KIAA0825: variants seen among roughly 807,000 people sequenced by gnomAD.
KIAA0825 encodes the protein uncharacterized protein KIAA0825.
In KIAA0825, 119 loss-of-function variants were observed where a neutral mutation model predicts 147.6. That is an observed-to-expected ratio of 0.81 (90% CI 0.69 to 0.94). The LOEUF is 0.94. Among genes scored for constraint, KIAA0825 ranks in the 40% least tolerant of loss-of-function variants. KIAA0825 has a pLI of 0.00. For synonymous variants in KIAA0825, 470 were observed against 518.1 expected, an observed-to-expected ratio of 0.91 and a Z score of 1.26; for missense variants, 1,381 against 1,472.7, an observed-to-expected ratio of 0.94 and a Z score of 1.02.
At chr5:94,169,771 A>G (rs1426310743) in intron 20 of KIAA0825, among the ~76,000 whole-genome samples, 1 of 152,192 alleles carries the variant, frequency 6.6e-6, no homozygotes, top group African/African-American at 2.4e-5. Flanking sequence ...GCATGTAATA[A>G]TATCAGTAAT....
At chr5:94,447,369 C>T (rs1757863718) in intron 13 of KIAA0825, among the ~76,000 whole-genome samples, 2 of 151,730 alleles carry the variant, frequency 1.3e-5, no homozygotes, top group Admixed American at 6.6e-5. Context: ...AGTATATGAA[C>T]CTGCAAAGGA....
chr5:94,478,453 A>T (rs796370150), intron 6 of KIAA0825, among the ~76,000 whole-genome samples: 1 of 121,274 alleles, frequency 8.2e-6, no homozygotes, highest in African/African-American at 2.7e-5. Flanking sequence ...CATGTGCATC[A>T]CACACACACA....
chr5:94,390,262 G>A (rs2150555058), intron 18 of KIAA0825, among the ~76,000 whole-genome samples: 1 of 152,306 alleles, frequency 6.6e-6, no homozygotes, highest in South Asian at 2.1e-4. Context: ...CATCCTCAGA[G>A]CTATTGTAAC....
intron 2 of KIAA0825, among the ~76,000 whole-genome samples, chr5:94,556,829 AC>A (rs1776626237): frequency 6.6e-6 from 1 of 152,048 alleles, no homozygotes; most frequent in Admixed American, 6.5e-5. Context: ...CTGTGTTCTC[AC>A]CTCTCATTTA....
intron 10 of KIAA0825, among the ~76,000 whole-genome samples, chr5:94,469,304 G>A (rs866090285): frequency 2.0e-5 from 3 of 151,862 alleles, no homozygotes; most frequent in South Asian, 2.1e-4. Flanking sequence ...CTGAGTAGCT[G>A]TAATTACAGG....
chr5:94,321,542 TAAGTA>T (rs1780203571), intron 20 of KIAA0825, among the ~76,000 whole-genome samples: 1 of 152,012 alleles, frequency 6.6e-6, no homozygotes, highest in Non-Finnish European at 1.5e-5. Flanking sequence ...GATATGAGTC[TAAGTA>T]AAGCATGTAA....
chr5:94,294,667 A>C (rs1446251819), intron 20 of KIAA0825, among the ~76,000 whole-genome samples: 6 of 152,228 alleles, frequency 3.9e-5, no homozygotes, highest in Non-Finnish European at 1.5e-5. Context: ...TGGAGGTTGC[A>C]GTGAGCTGAG....
intron 16 of KIAA0825, among the ~76,000 whole-genome samples, chr5:94,401,527 T>A (rs1751374379): frequency 6.6e-6 from 1 of 152,088 alleles, no homozygotes; most frequent in Non-Finnish European, 1.5e-5. Flanking sequence ...AAAGAAGGAA[T>A]AAGGACACCC....
chr5:94,263,337 T>C (rs1382947612), intron 20 of KIAA0825, among the ~76,000 whole-genome samples: 1 of 152,174 alleles, frequency 6.6e-6, no homozygotes, highest in Non-Finnish European at 1.5e-5. Context: ...CCATGACCCA[T>C]CTCCTGAACC....
chr5:94,517,449 G>A (rs1767441696), intron 5 of KIAA0825, among the ~76,000 whole-genome samples: 1 of 152,040 alleles, frequency 6.6e-6, no homozygotes, highest in Admixed American at 6.6e-5. Flanking sequence ...ATGAATGATG[G>A]AAAATTTACA....
rs561566588 is a variant in KIAA0825, at chr5:94,583,116, C to T, written c.-152-533G>A. ...CTCCCAGCGAGATCGACGCATAAGACGGGTGATTTCTGCATTTCCAACTGA... is the reference window on the plus strand; with the variant it reads ...CTCCCAGCGAGATCGACGCATAAGATGGGTGATTTCTGCATTTCCAACTGA... On this transcript the variant is annotated intron_variant, in intron 1 of 20. Transcript: ENST00000682413. Among the ~76,000 whole-genome samples the T allele has an allele frequency of 1.4e-4, 22 of 152,196 alleles. No individual in the cohort carries two copies. The South Asian group carries it at 3.1e-3, about 22-fold the overall frequency.
rs1382216210 is a variant in KIAA0825, at chr5:94,152,409, C to T, written c.*1598G>A. On this transcript the variant is annotated 3_prime_UTR_variant, in exon 21 of 21. Coordinates refer to ENST00000682413, the MANE Select transcript of KIAA0825 (RefSeq NM_001145678.3). ...AGCCCATGATGTAAGGCTTCTGGGC[C>T]TGGTGTGGTGGCTTATGCCTATAGT... Among the ~76,000 whole-genome samples the T allele has an allele frequency of 6.6e-6, 1 of 152,076 alleles. No individual in the cohort carries two copies. The highest frequency in any genetic ancestry group is 1.5e-5 in the Non-Finnish European group (1 of 68,012).
intron 20 of KIAA0825, among the ~76,000 whole-genome samples, chr5:94,316,762 AT>A (rs1779702118): frequency 6.6e-6 from 1 of 151,740 alleles, no homozygotes; most frequent in African/African-American, 2.4e-5. Context: ...ATTAAATGCA[AT>A]TTTTAAAAGT....
rs574297647 is a variant in KIAA0825 at position 94,176,037 on chromosome 5, G to T, written c.3711-21913C>A. ...AATTTTTTTATTGCTAAATCCCCTT[G>T]CTGTGGTTTGCTCCTGCCAAGACCC... On this transcript the variant is annotated intron_variant, in intron 20 of 20. Transcript: ENST00000682413. Among the ~76,000 whole-genome samples the T allele has an allele frequency of 6.4e-4, 97 of 152,160 alleles. 3 individuals carry two copies. In the South Asian group the frequency reaches 0.02, roughly 31 times the overall value.
At chr5:94,442,781 A>C (rs1445979231) in intron 13 of KIAA0825, among the ~76,000 whole-genome samples, 1 of 152,168 alleles carries the variant, frequency 6.6e-6, no homozygotes. Flanking sequence ...CCATTTGATG[A>C]ACTGAAAGAT....
chr5:94,595,663 T>A (rs1039323729), intron 1 of KIAA0825, among the ~76,000 whole-genome samples: 1 of 152,248 alleles, frequency 6.6e-6, no homozygotes, highest in African/African-American at 2.4e-5. Flanking sequence ...TGCATTTTTC[T>A]TTGCTATTGC....
chr5:94,192,925 T>C (rs1380936511), intron 20 of KIAA0825, among the ~76,000 whole-genome samples: 1 of 152,182 alleles, frequency 6.6e-6, no homozygotes, highest in African/African-American at 2.4e-5. Flanking sequence ...TAGAACGCAG[T>C]TCCCTTCTCA....
At chr5:94,499,519 A>G (rs1764787428) in intron 5 of KIAA0825, among the ~76,000 whole-genome samples, 1 of 137,786 alleles carries the variant, frequency 7.3e-6, no homozygotes, top group Admixed American at 8.3e-5. Flanking sequence ...TCTTCTCAGA[A>G]CTCTGCAACT....
At chr5:94,308,386 C>G (rs1778880539) in intron 20 of KIAA0825, among the ~76,000 whole-genome samples, 1 of 151,682 alleles carries the variant, frequency 6.6e-6, no homozygotes, top group Admixed American at 6.6e-5. Flanking sequence ...TCAAGGAGCT[C>G]TCAATCCAGT....
Sources: gnomAD v4.1 joint callset for allele counts (sites outside exome capture counted in the v4.1 genomes callset) on GRCh38, gnomAD v4.1.1 for gene constraint, MANE v1.5 for transcripts, NCBI Gene and HGNC (gene_info 2026-07-23, HGNC 2026-07-21) for gene names.